NOVA1: variants seen among roughly 807,000 people sequenced by gnomAD.
The protein encoded by NOVA1 is RNA-binding protein Nova-1.
A neutral mutation model predicts 38.0 loss-of-function variants in NOVA1; 7 were observed. That is an observed-to-expected ratio of 0.18 (90% confidence interval 0.10 to 0.35). The LOEUF (loss-of-function observed/expected upper bound fraction) is 0.35, where lower values mean the gene tolerates loss of function less well. Ranked by LOEUF, NOVA1 falls within the 10% of genes least tolerant of loss-of-function variation. The probability of loss-of-function intolerance (pLI) is 1.00; values close to 1 mark genes in which losing one functional copy is unlikely to be tolerated. For missense variants in NOVA1, 460 were observed against 616.0 expected (o/e 0.75, Z 2.68); for synonymous variants, 270 against 232.5 (o/e 1.16, Z -1.47).
intron 2 of NOVA1, among the ~76,000 whole-genome samples, chr14:26,528,779 G>A (rs949557465): frequency 2.6e-5 from 4 of 152,142 alleles, no homozygotes; most frequent in African/African-American, 4.8e-5. Context: ...CCCTTTAGCC[G>A]AATCCTACTA....
At chr14:26,461,400 A>G (rs1163897319) in intron 4 of NOVA1, among the ~76,000 whole-genome samples, 1 of 152,084 alleles carries the variant, frequency 6.6e-6, no homozygotes, top group East Asian at 1.9e-4. Flanking sequence ...TAAAATACTA[A>G]CCTGAAAACA....
chr14:26,503,808 C>A (rs115469367), intron 2 of NOVA1, among the ~76,000 whole-genome samples: 35 of 151,956 alleles, frequency 2.3e-4, no homozygotes, highest in African/African-American at 7.7e-4. Context: ...TATAACGTAG[C>A]CCTTTACTTA....
At chr14:26,467,105 G>A (rs1227333864) in intron 4 of NOVA1, among the ~76,000 whole-genome samples, 1 of 152,140 alleles carries the variant, frequency 6.6e-6, no homozygotes, top group East Asian at 1.9e-4. Flanking sequence ...AGACTCAGAA[G>A]AATTCCCAAG....
chr14:26,498,932 C>G (rs1188142081), intron 2 of NOVA1, among the ~76,000 whole-genome samples: 3 of 152,108 alleles, frequency 2.0e-5, no homozygotes, highest in African/African-American at 7.2e-5. Context: ...TGAAATAAGC[C>G]AGCCACAGGA....
rs1450273816 is a variant in NOVA1, at chr14:26,443,290, C to T, written c.*4669G>A. On this transcript the variant is annotated 3_prime_UTR_variant, in exon 5 of 5. Transcript: ENST00000539517. ...GCCTTTCCATTGCAATTATAAAAAA[C>T]TATTTAAAAAAAATTCGGCACATAC... The T allele has an allele frequency of 1.3e-5, 2 of 151,688 alleles. No homozygotes were observed. Among genetic ancestry groups the T allele is most frequent in the African/African-American group, 4.8e-5 (2 of 41,328 alleles). 9.4% of individuals were successfully genotyped at this position (151,688 alleles called of 1,614,324 possible).
In NOVA1 at chr14:26,448,286, A is replaced by G; in HGVS notation, c.1197T>C (p.Phe399=). Residue 399 remains phenylalanine, a synonymous_variant, in exon 5 of 5, where the codon TTT becomes TTC. Coordinates refer to ENST00000539517, the MANE Select transcript of NOVA1 (RefSeq NM_002515.3). This position sits in a 1 kb window ranked among gnomAD's most constrained non-coding sequence, Gnocchi z 5.3. ...AAATAATNGY[F]GAASPLAASA... Reference sequence around the variant, plus strand: ...TGGCAGCTAGGGGAGAAGCAGCTCCAAAATATCCATTGGTTGCAGCAGTAG... The same window carrying G: ...TGGCAGCTAGGGGAGAAGCAGCTCCGAAATATCCATTGGTTGCAGCAGTAG... 6.2e-7 allele frequency: 1 copy of G among 1,614,190 alleles called. No individual in the cohort carries two copies. Among genetic ancestry groups the G allele is most frequent in the Non-Finnish European group, 8.5e-7 (1 of 1,180,010 alleles).
At chr14:26,572,758 G>GTGTGTGTGTGTA in intron 2 of NOVA1, among the ~76,000 whole-genome samples, 1 of 148,598 alleles carries the variant, frequency 6.7e-6, no homozygotes, top group South Asian at 2.1e-4. Context: ...GTGTGTGTGT[G>GTGTGTGTGTGTA]TGTGTGTATG....
rs970819339 is a variant in NOVA1, at chr14:26,447,370, T to A, written c.*589A>T. 2 of 153,460 alleles carry A rather than the reference T, an allele frequency of 1.3e-5. No individual in the cohort carries two copies. The highest frequency in any genetic ancestry group is 2.9e-5 in the Non-Finnish European group (2 of 68,630). The allele number at this position is 153,460 out of a possible 1,614,324, so 9.5% of individuals were successfully genotyped here. ...TTCAGATGGAGAACAGGTGCTTTTA[T>A]TGATCTGTAAACTTACCAATATAAT... is the stretch of plus-strand genomic sequence containing the variant. On this transcript the variant is annotated 3_prime_UTR_variant, in exon 5 of 5. Coordinates refer to ENST00000539517, the MANE Select transcript of NOVA1 (RefSeq NM_002515.3).
intron 2 of NOVA1, among the ~76,000 whole-genome samples, chr14:26,514,869 T>C (rs2138472841): frequency 6.6e-6 from 1 of 152,076 alleles, no homozygotes; most frequent in South Asian, 2.1e-4. Flanking sequence ...GCTATTATAT[T>C]TGTCCTTACC....
Position 26,558,866 on chromosome 14 carries a change from A to G in NOVA1, c.280+36544T>C, listed in dbSNP as rs548689971. Among the ~76,000 whole-genome samples the G allele has an allele frequency of 5.5e-4, 83 of 152,242 alleles. 1 individual carries two copies. Among genetic ancestry groups the G allele is most frequent in the African/African-American group, 1.9e-3 (81 of 41,556 alleles). ...ATATCATTCTAAAATACTCTAGCCT[A>G]CATAATTATATTAGGATGGAATAAG... On this transcript the variant is annotated intron_variant, in intron 2 of 4. Transcript: ENST00000539517.
chr14:26,498,374 G>A (rs987479051), intron 2 of NOVA1, among the ~76,000 whole-genome samples: 1 of 151,724 alleles, frequency 6.6e-6, no homozygotes, highest in African/African-American at 2.4e-5. Context: ...CTGTTAATAT[G>A]GGATATTTCT....
chr14:26,488,628 A>G (rs1350648070), intron 2 of NOVA1, among the ~76,000 whole-genome samples: 4 of 152,354 alleles, frequency 2.6e-5, no homozygotes, highest in Non-Finnish European at 4.4e-5. Context: ...GGTTTATGCT[A>G]AATTTAGGAT....
chr14:26,532,279 C>T (rs966342341), intron 2 of NOVA1, among the ~76,000 whole-genome samples: 2 of 152,116 alleles, frequency 1.3e-5, no homozygotes, highest in African/African-American at 4.8e-5. Flanking sequence ...GAACTAGAAA[C>T]GACTTAAGGT....
chr14:26,457,748 G>A (rs1441254072), intron 4 of NOVA1, among the ~76,000 whole-genome samples: 1 of 151,988 alleles, frequency 6.6e-6, no homozygotes, highest in Non-Finnish European at 1.5e-5. Flanking sequence ...CCTCAGGCAG[G>A]TCCTTCAGGA....
chr14:26,557,070 A>C (rs1376033780), intron 2 of NOVA1, among the ~76,000 whole-genome samples: 1 of 152,100 alleles, frequency 6.6e-6, no homozygotes, highest in African/African-American at 2.4e-5. Context: ...ACATCTCTGT[A>C]CACATTTCTC....
At chr14:26,576,461 G>A (rs1419794810) in intron 2 of NOVA1, among the ~76,000 whole-genome samples, 2 of 151,428 alleles carry the variant, frequency 1.3e-5, no homozygotes, top group African/African-American at 4.8e-5. Flanking sequence ...ATATTTTACA[G>A]GCAAATATTG....
intron 2 of NOVA1, among the ~76,000 whole-genome samples, chr14:26,577,346 A>G (rs1594569061): frequency 6.6e-6 from 1 of 151,224 alleles, no homozygotes; most frequent in Non-Finnish European, 1.5e-5. Flanking sequence ...CCTATAACAC[A>G]AAATTAAACA....
chr14:26,450,445 A>C (rs928459058), intron 4 of NOVA1, among the ~76,000 whole-genome samples: 16 of 152,086 alleles, frequency 1.1e-4, no homozygotes, highest in Non-Finnish European at 2.2e-4. Flanking sequence ...CAGTAATAAA[A>C]GAAATTTAAT....
Position 26,551,290 on chromosome 14 carries a change from T to C in NOVA1, c.280+44120A>G, listed in dbSNP as rs962596592. 3.3e-5 allele frequency among the ~76,000 whole-genome samples: 5 copies of C among 152,052 alleles called. No homozygotes were observed. In the East Asian group the frequency reaches 5.8e-4, roughly 18 times the overall value. On this transcript the variant is annotated intron_variant, in intron 2 of 4. Transcript: ENST00000539517. ...AATGAATAATAGTAACTTGAAGGGA[T>C]AGTCCAACTACAAAATGAATTAATG...
Sources: gnomAD v4.1 joint callset for allele counts (sites outside exome capture counted in the v4.1 genomes callset) on GRCh38, gnomAD v4.1.1 for gene constraint, Gnocchi (gnomAD v3.1) non-coding constraint, MANE v1.5 for transcripts, NCBI Gene and HGNC (gene_info 2026-07-23, HGNC 2026-07-21) for gene names.